Variants in NRF1 observed in about 807,000 individuals in gnomAD.
The protein encoded by NRF1 is nuclear respiratory factor 1, also known as alpha palindromic-binding protein.
In NRF1, 5 loss-of-function variants were observed where a neutral mutation model predicts 58.5. The ratio of observed to expected loss-of-function variants is 0.09; its 90% CI spans 0.04 to 0.18. NRF1 has a LOEUF of 0.18. Among genes scored for constraint, NRF1 ranks in the 10% least tolerant of loss-of-function variants. The probability of loss-of-function intolerance (pLI) is 1.00; values close to 1 mark genes in which losing one functional copy is unlikely to be tolerated. For missense variants in NRF1, 288 were observed against 657.7 expected, an observed-to-expected ratio of 0.44 and a Z score of 6.15; for synonymous variants, 224 against 246.7, an observed-to-expected ratio of 0.91 and a Z score of 0.86.
chr7:129,720,554 TG>T (rs1803299314), intron 9 of NRF1, among the ~76,000 whole-genome samples: 1 of 152,182 alleles, frequency 6.6e-6, no homozygotes, highest in Non-Finnish European at 1.5e-5. Context: ...AAAACAAGCA[TG>T]GTTCTCTAAT....
chr7:129,663,499 C>T (rs1245418176), intron 2 of NRF1, among the ~76,000 whole-genome samples: 9 of 150,100 alleles, frequency 6.0e-5, no homozygotes, highest in African/African-American at 2.2e-4. Context: ...GACGGGGCGG[C>T]CGGGCAGAGG....
intron 10 of NRF1, among the ~76,000 whole-genome samples, chr7:129,738,024 C>T (rs1803758535): frequency 6.6e-6 from 1 of 152,192 alleles, no homozygotes. Flanking sequence ...TTAGGCTGCC[C>T]TCCTGTAAGG....
chr7:129,746,543 C>G (rs758324159), intron 10 of NRF1, among the ~76,000 whole-genome samples: 1 of 152,130 alleles, frequency 6.6e-6, no homozygotes, highest in African/African-American at 2.4e-5. Flanking sequence ...TTTTTCCAGG[C>G]CTGTAAATGG....
chr7:129,718,414 C>T (rs2116221304), intron 9 of NRF1, among the ~76,000 whole-genome samples: 1 of 152,262 alleles, frequency 6.6e-6, no homozygotes, highest in Non-Finnish European at 1.5e-5. Context: ...TGAATTACTC[C>T]ATGTGAAATC....
At chr7:129,626,429 T>C (rs1026356940) in intron 1 of NRF1, among the ~76,000 whole-genome samples, 1 of 152,212 alleles carries the variant, frequency 6.6e-6, no homozygotes, top group Non-Finnish European at 1.5e-5. Context: ...AGCCACATCA[T>C]AAGATTGGCT....
At chr7:129,711,728 T>C in intron 8 of NRF1, 152 bp downstream of exon 8, 1 of 605,040 alleles carries the variant, frequency 1.7e-6, no homozygotes, top group South Asian at 2.1e-5. Flanking sequence ...TTTTAGAAAG[T>C]GTCTTATGCT....
intron 4 of NRF1, 55 bp from the exon 5 acceptor site, chr7:129,690,351 C>G: frequency 1.9e-6 from 3 of 1,577,270 alleles, no homozygotes; most frequent in Non-Finnish European, 2.6e-6. Context: ...TGCTTGGCAC[C>G]AATCCTCCCT....
chr7:129,612,474 C>T (rs935002842), intron 1 of NRF1, among the ~76,000 whole-genome samples: 7 of 152,192 alleles, frequency 4.6e-5, no homozygotes, highest in Non-Finnish European at 7.4e-5. Context: ...TGCCCACCTT[C>T]TTGCAAGTTA....
intron 3 of NRF1, among the ~76,000 whole-genome samples, chr7:129,675,833 C>T (rs1356176264): frequency 6.6e-6 from 1 of 152,216 alleles, no homozygotes; most frequent in African/African-American, 2.4e-5. Context: ...GCTGCATTAG[C>T]CCCTAACAAG....
chr7:129,612,389 C>T (rs1800555815), intron 1 of NRF1, among the ~76,000 whole-genome samples: 1 of 152,160 alleles, frequency 6.6e-6, no homozygotes. Flanking sequence ...TGGGCGACCT[C>T]CGAAGCTTCC....
In NRF1 at chr7:129,718,898, C is replaced by T. The variant is rs1011248060; in HGVS notation, c.1223+1522C>T. Among the ~76,000 whole-genome samples the T allele has an allele frequency of 4.6e-5, 7 of 152,282 alleles. No homozygotes were observed. In the East Asian group the frequency reaches 1.2e-3, roughly 25 times the overall value. On this transcript the variant is annotated intron_variant, in intron 9 of 10. Coordinates refer to ENST00000393232, the MANE Select transcript of NRF1 (RefSeq NM_005011.5). Reference sequence around the variant, plus strand: ...CCATTGTTATAATGAGGATAAGACTCATCACACAGAATCATGTATATGAGA... The same window carrying T: ...CCATTGTTATAATGAGGATAAGACTTATCACACAGAATCATGTATATGAGA...
At chr7:129,688,273 C>T (rs913861977) in intron 4 of NRF1, among the ~76,000 whole-genome samples, 9 of 152,038 alleles carry the variant, frequency 5.9e-5, no homozygotes, top group East Asian at 1.9e-4. Context: ...ACCACAGGTG[C>T]GCACTACCAT....
chr7:129,735,387 G>A (rs200632174), intron 10 of NRF1: 9 of 255,746 alleles, frequency 3.5e-5, no homozygotes, highest in East Asian at 1.8e-4. Context: ...AAATTTAGCC[G>A]GGCGTGGTGG....
Position 129,745,514 on chromosome 7 carries a change from C to T in NRF1, c.1349-9504C>T, listed in dbSNP as rs1028209854. Among the ~76,000 whole-genome samples, 143 of 149,718 alleles carry T rather than the reference C, an allele frequency of 9.6e-4. 2 individuals carry two copies. The highest frequency in any genetic ancestry group is 1.5e-3 in the Non-Finnish European group (102 of 67,262). ...CCAAACCATCCCCCTCAACCCCCCCCCCATCCATGGAAATACTGTCTTCCA... is the reference window on the plus strand; with the variant it reads ...CCAAACCATCCCCCTCAACCCCCCCTCCATCCATGGAAATACTGTCTTCCA... On this transcript the variant is annotated intron_variant, in intron 10 of 10. Transcript: ENST00000393232.
At chr7:129,676,618 G>A (rs1395674739) in intron 3 of NRF1, among the ~76,000 whole-genome samples, 4 of 152,130 alleles carry the variant, frequency 2.6e-5, no homozygotes, top group South Asian at 2.1e-4. Context: ...TAGTAACATC[G>A]AAGATCACTG....
rs140853909 is a variant in NRF1 at position 129,621,274 on chromosome 7, G to A, written c.-7+9450G>A. Among the ~76,000 whole-genome samples the A allele has an allele frequency of 2.1e-3, 320 of 152,252 alleles. 1 individual carries two copies. Among genetic ancestry groups the A allele is most frequent in the African/African-American group, 6.8e-3 (281 of 41,548 alleles). Reference sequence around the variant, plus strand: ...AATTAATGCCACTTGGGATTAATTTGTGATTTTTCTGGGGAGAGGGTCTAC... The same window carrying A: ...AATTAATGCCACTTGGGATTAATTTATGATTTTTCTGGGGAGAGGGTCTAC... On this transcript the variant is annotated intron_variant, in intron 1 of 10. Coordinates refer to ENST00000393232, the MANE Select transcript of NRF1 (RefSeq NM_005011.5).
At chr7:129,715,231 C>T (rs1241368011) in intron 8 of NRF1, among the ~76,000 whole-genome samples, 1 of 152,160 alleles carries the variant, frequency 6.6e-6, no homozygotes, top group Non-Finnish European at 1.5e-5. Flanking sequence ...TTTTACCGTC[C>T]TGACTGGGGA....
chr7:129,729,362 C>A (rs1284977974), intron 10 of NRF1, among the ~76,000 whole-genome samples: 1 of 152,198 alleles, frequency 6.6e-6, no homozygotes, highest in East Asian at 1.9e-4. Context: ...TTGTGTGAAT[C>A]ATTTGGTGTG....
At position 129,657,469 on chromosome 7, in the gene NRF1, G is replaced by C. The variant is rs149447357; in HGVS notation, c.118G>C (p.Ala40Pro). The stretch of plus-strand genomic sequence containing the variant: ...TTACACCGAGCATAGTATGCTGAGT[G>C]CTGATGAAGACTCGCCTTCTTCTCC... ...ATYTEHSMLS[A>P]DEDSPSSPED... The change falls in exon 2 of 11, where the codon GCT (alanine) becomes CCT (proline). Residue 40 changes from alanine (A) to proline (P), a missense_variant. Ala to Pro is a conservative substitution (Grantham distance 27). Coordinates refer to ENST00000393232, the MANE Select transcript of NRF1 (RefSeq NM_005011.5). 9.9e-6 allele frequency: 16 copies of C among 1,613,968 alleles called. No homozygotes were observed. In the African/African-American group the frequency reaches 1.9e-4, roughly 19 times the overall value.
Sources: allele counts gnomAD v4.1 joint callset (sites outside exome capture counted in the v4.1 genomes callset), GRCh38; gene constraint gnomAD v4.1.1; transcripts MANE v1.5; gene names NCBI Gene and HGNC (gene_info 2026-07-23, HGNC 2026-07-21).